The following ARMC9 variants were observed in gnomAD, a reference collection of about 807,000 sequenced individuals.
ARMC9 encodes lisH domain-containing protein ARMC9.
In ARMC9, 94 loss-of-function variants were observed where a neutral mutation model predicts 107.0. That is an observed-to-expected ratio of 0.88 (90% CI 0.74 to 1.04). The LOEUF is 1.04. Among genes scored for constraint, ARMC9 ranks in the 50% least tolerant of loss-of-function variants. ARMC9 has a pLI of 0.00. For missense variants in ARMC9, 942 were observed against 1,030.1 expected, an observed-to-expected ratio of 0.91 and a Z score of 1.17; for synonymous variants, 380 against 396.9, an observed-to-expected ratio of 0.96 and a Z score of 0.51.
At chr2:231,302,928 C>G (rs939750145) in intron 19 of ARMC9, among the ~76,000 whole-genome samples, 1 of 152,212 alleles carries the variant, frequency 6.6e-6, no homozygotes, top group Non-Finnish European at 1.5e-5. Context: ...CGCCTGAACC[C>G]GGGATGCGGA....
intron 22 of ARMC9, 75 bp downstream of exon 22, chr2:231,356,009 G>C: frequency 6.8e-7 from 1 of 1,471,836 alleles, no homozygotes; most frequent in Non-Finnish European, 9.0e-7. Flanking sequence ...AGCAGCAGGA[G>C]TGGCAGACGC....
chr2:231,204,717 C>G (rs1304060884), intron 1 of ARMC9, among the ~76,000 whole-genome samples: 1 of 151,950 alleles, frequency 6.6e-6, no homozygotes, highest in Non-Finnish European at 1.5e-5. Context: ...GCAAGACTCT[C>G]TGAGGAGGTG....
chr2:231,370,088 C>G lies in ARMC9; in HGVS notation c.2397C>G (p.Arg799=), dbSNP rs370797284. The change falls in exon 24 of 25, where the codon CGC becomes CGG. Residue 799 remains arginine, a synonymous_variant. Coordinates refer to ENST00000611582, the MANE Select transcript of ARMC9 (RefSeq NM_001352754.2). ...CGTGTGGCCCCCAGCAGGCCAGCCG[C>G]CCCGGCTCCACAGCGTCCTCCACAA... ...FSSCGPQQAS[R]PGSTASSTRG... The G allele has an allele frequency of 1.8e-4, 275 of 1,534,506 alleles. No individual in the cohort carries two copies. Among genetic ancestry groups the G allele is most frequent in the Non-Finnish European group, 2.3e-4 (263 of 1,145,936 alleles).
At chr2:231,343,710 G>A (rs1009807668) in intron 20 of ARMC9, among the ~76,000 whole-genome samples, 7 of 152,124 alleles carry the variant, frequency 4.6e-5, no homozygotes, top group South Asian at 2.1e-4. Context: ...CTACTGTCCT[G>A]TAGAGCCACC....
Position 231,262,327 on chromosome 2 carries a change from G to A in ARMC9, c.1048G>A (p.Gly350Arg), listed in dbSNP as rs751130509. The A allele has an allele frequency of 3.7e-6, 6 of 1,614,172 alleles. No homozygotes were observed. The South Asian group carries it at 6.6e-5, about 18-fold the overall frequency. ...CCAGCGCTTGACCACATCCCATCCT[G>A]GAGAGCAGAGGGAGACCGTTCTGCA... ...LRWRLTTSHP[G>R]EQRETVLQAY... Residue 350 changes from glycine (G) to arginine (R), a missense_variant, in exon 12 of 25, where the codon GGA becomes AGA. Physicochemically the swap from Gly to Arg is moderately radical, Grantham distance 125. Transcript: ENST00000611582.
intron 19 of ARMC9, among the ~76,000 whole-genome samples, chr2:231,317,026 T>A (rs115450898): frequency 3.9e-5 from 6 of 152,278 alleles, no homozygotes; most frequent in African/African-American, 1.4e-4. Context: ...AGCCAGCTGT[T>A]AATTGCATAT....
intron 6 of ARMC9, among the ~76,000 whole-genome samples, chr2:231,225,664 A>G (rs2125339270): frequency 6.6e-6 from 1 of 152,330 alleles, no homozygotes; most frequent in East Asian, 1.9e-4. Context: ...AATGTCCAAA[A>G]GAGGCAAATC....
At chr2:231,334,786 G>A (rs558633048) in intron 20 of ARMC9, among the ~76,000 whole-genome samples, 1 of 152,214 alleles carries the variant, frequency 6.6e-6, no homozygotes, top group African/African-American at 2.4e-5. Flanking sequence ...TCTGTGTGCC[G>A]GGTTGGGGAT....
intron 21 of ARMC9, among the ~76,000 whole-genome samples, chr2:231,350,943 ATTC>A (rs2045042239): frequency 9.2e-6 from 1 of 108,532 alleles, no homozygotes; most frequent in Non-Finnish European, 1.8e-5. Flanking sequence ...CAAAGTGACA[ATTC>A]TTTTTTTTTT....
intron 19 of ARMC9, among the ~76,000 whole-genome samples, chr2:231,303,650 C>T (rs1046404273): frequency 2.0e-5 from 3 of 152,106 alleles, no homozygotes; most frequent in Non-Finnish European, 4.4e-5. Flanking sequence ...TTTATATTGA[C>T]TTTCAGACCA....
chr2:231,223,276 T>C (rs1160406450), intron 6 of ARMC9, among the ~76,000 whole-genome samples: 1 of 152,168 alleles, frequency 6.6e-6, no homozygotes, highest in Non-Finnish European at 1.5e-5. Context: ...CCATGGTAAG[T>C]GTACAATTTA....
At chr2:231,281,622 G>T (rs2040224524) in intron 16 of ARMC9, among the ~76,000 whole-genome samples, 1 of 152,152 alleles carries the variant, frequency 6.6e-6, no homozygotes, top group South Asian at 2.1e-4. Flanking sequence ...ATTTGATGTA[G>T]CCTGGTTCAT....
intron 17 of ARMC9, 39 bp from the exon 18 acceptor site, chr2:231,291,314 C>T: frequency 1.3e-6 from 2 of 1,530,194 alleles, no homozygotes; most frequent in East Asian, 2.3e-5. Context: ...TCCCTCCAGA[C>T]ACTGAAATGT....
rs71982424 is a variant in ARMC9, at chr2:231,369,598, C to CT, written c.2262-340dup. Among the ~76,000 whole-genome samples the CT allele has an allele frequency of 7.7e-3, 986 of 128,194 alleles. 28 individuals carry two copies. In the East Asian group the frequency reaches 0.12, roughly 15 times the overall value. The allele number at this position is 128,194 out of a possible 152,430, so 84.1% of individuals were successfully genotyped here. On this transcript the variant is annotated intron_variant, in intron 23 of 24. Coordinates refer to ENST00000611582, the MANE Select transcript of ARMC9 (RefSeq NM_001352754.2). ...GTGAGCCACCATGCTCAGCCAGTTT[C>CT]TTTTTTTTTTTTTTTGAGACAGAAT...
intron 3 of ARMC9, among the ~76,000 whole-genome samples, chr2:231,211,562 G>A (rs186950702): frequency 7.9e-5 from 12 of 151,940 alleles, no homozygotes; most frequent in South Asian, 6.2e-4. Flanking sequence ...TGCAGTGAAC[G>A]TGGGTGTGCA....
chr2:231,295,152 TTTC>T (rs2041270783), intron 18 of ARMC9: 1 of 152,310 alleles, frequency 6.6e-6, no homozygotes, highest in Non-Finnish European at 1.5e-5. Context: ...TTTGACTTCC[TTTC>T]TTCTTTCAGG....
At chr2:231,309,704 T>A (rs2042230213) in intron 19 of ARMC9, among the ~76,000 whole-genome samples, 1 of 151,792 alleles carries the variant, frequency 6.6e-6, no homozygotes, top group African/African-American at 2.4e-5. Flanking sequence ...ACAGGCCATA[T>A]ACCACTTTTT....
chr2:231,226,825 T>C, intron 7 of ARMC9, 27 bp downstream of exon 7: 5 of 1,607,874 alleles, frequency 3.1e-6, no homozygotes, highest in Non-Finnish European at 4.3e-6. Flanking sequence ...TAAATTTGTC[T>C]AAGAACAACT....
At chr2:231,295,357 G>A in intron 18 of ARMC9, 1 of 152,460 alleles carries the variant, frequency 6.6e-6, no homozygotes, top group Non-Finnish European at 1.5e-5. Flanking sequence ...TGAACTGTCA[G>A]GAGTTCTAGA....
Sources: allele counts gnomAD v4.1 joint callset (sites outside exome capture counted in the v4.1 genomes callset), GRCh38; gene constraint gnomAD v4.1.1; transcripts MANE v1.5; gene names NCBI Gene and HGNC (gene_info 2026-07-23, HGNC 2026-07-21).